Variants in CUX2 observed in about 807,000 individuals in gnomAD.
The protein encoded by CUX2 is cut like homeobox 2, also known as homeobox protein cut-like 2.
CUX2 carries 40 observed loss-of-function variants against 144.8 expected under a neutral mutation model. That is an observed-to-expected ratio of 0.28 (90% CI 0.21 to 0.36). The LOEUF is 0.36. Ranked by LOEUF, CUX2 falls within the 10% of genes least tolerant of loss-of-function variation. The pLI, the probability that CUX2 is intolerant of heterozygous loss-of-function variation, is 1.00. For missense variants in CUX2, 1,615 were observed against 1,994.0 expected (o/e 0.81, Z 3.62); for synonymous variants, 827 against 875.6 (o/e 0.94, Z 0.98).
chr12:111,297,733 G>A (rs933307), intron 8 of CUX2, among the ~76,000 whole-genome samples: 2 of 151,946 alleles, frequency 1.3e-5, no homozygotes, highest in Non-Finnish European at 2.9e-5. Context: ...AACATGACCC[G>A]GTCCTCAGTC....
At chr12:111,162,577 G>A (rs1486506705) in intron 1 of CUX2, among the ~76,000 whole-genome samples, 5 of 152,252 alleles carry the variant, frequency 3.3e-5, no homozygotes, top group Non-Finnish European at 7.3e-5. Context: ...TGATGGGACA[G>A]TGCTGAACAG....
chr12:111,091,375 TG>T (rs972130271), intron 1 of CUX2, among the ~76,000 whole-genome samples: 4 of 152,184 alleles, frequency 2.6e-5, no homozygotes, highest in African/African-American at 9.7e-5. Flanking sequence ...GAGACACAGC[TG>T]GGGTTGCTGC....
chr12:111,283,223 A>G (rs1885208103), intron 4 of CUX2, among the ~76,000 whole-genome samples: 2 of 151,956 alleles, frequency 1.3e-5, no homozygotes, highest in Admixed American at 6.6e-5. Flanking sequence ...TGTCTTAAAA[A>G]AAAAAAACCT....
At chr12:111,071,664 A>G (rs1022705316) in intron 1 of CUX2, among the ~76,000 whole-genome samples, 4 of 152,174 alleles carry the variant, frequency 2.6e-5, no homozygotes, top group Non-Finnish European at 5.9e-5. Context: ...TTGTATCTAA[A>G]AAGTCAACAC....
chr12:111,077,774 T>C lies in CUX2; in HGVS notation c.63+43534T>C, dbSNP rs1328154494. ...CTCCTCCTGGAAGAAATTGACCAGA[T>C]TATCTCCCACCTCAAATGGCAGCAT... On this transcript the variant is annotated intron_variant, in intron 1 of 21. Coordinates refer to ENST00000261726, the MANE Select transcript of CUX2 (RefSeq NM_015267.4). The surrounding 1 kb of genome is among the most constrained non-coding windows in gnomAD (Gnocchi z 4.1). 1.3e-5 allele frequency among the ~76,000 whole-genome samples: 2 copies of C among 152,204 alleles called. No individual in the cohort carries two copies. The highest frequency in any genetic ancestry group is 2.9e-5 in the Non-Finnish European group (2 of 68,046).
chr12:111,320,977 G>A lies in CUX2; in HGVS notation c.2766+202G>A, dbSNP rs947342230. Among the ~76,000 whole-genome samples the A allele has an allele frequency of 3.9e-5, 6 of 152,022 alleles. No individual in the cohort carries two copies. Among genetic ancestry groups the A allele is most frequent in the African/African-American group, 1.4e-4 (6 of 41,388 alleles). On this transcript the variant is annotated intron_variant, in intron 17 of 21. Coordinates refer to ENST00000261726, the MANE Select transcript of CUX2 (RefSeq NM_015267.4). The surrounding 1 kb of genome is among the most constrained non-coding windows in gnomAD (Gnocchi z 8.1). ...CCAGGAAATGCTTCCATCCTGGCCA[G>A]CAAACAGCCACTTAACTCCCCTCCT...
rs1885825032 is a variant in CUX2, at chr12:111,293,915, T to C, written c.560+346T>C. On this transcript the variant is annotated intron_variant, in intron 6 of 21. Transcript: ENST00000261726. This position sits in a 1 kb window ranked among gnomAD's most constrained non-coding sequence, Gnocchi z 4.5. ...ACATGTATTCCTAGGACTTAGCTTA[T>C]GCAGTTGTGGGAGCTGCCAGGTGCA... Among the ~76,000 whole-genome samples, 1 of 152,272 alleles carries C rather than the reference T, an allele frequency of 6.6e-6. No homozygotes were observed. Among genetic ancestry groups the C allele is most frequent in the South Asian group, 2.1e-4 (1 of 4,828 alleles).
At chr12:111,234,745 G>A (rs1371947870) in intron 3 of CUX2, among the ~76,000 whole-genome samples, 2 of 146,974 alleles carry the variant, frequency 1.4e-5, no homozygotes, top group East Asian at 4.1e-4. Context: ...CTGAGACAGA[G>A]TCTCCCTCTG....
chr12:111,317,892 C>T (rs1244042967), intron 16 of CUX2, among the ~76,000 whole-genome samples: 5 of 151,926 alleles, frequency 3.3e-5, no homozygotes, highest in African/African-American at 7.3e-5. Context: ...CCCAGCTACT[C>T]GGGAGGCTGA....
At chr12:111,101,151 G>A (rs2136068610) in intron 1 of CUX2, among the ~76,000 whole-genome samples, 1 of 152,286 alleles carries the variant, frequency 6.6e-6, no homozygotes, top group East Asian at 1.9e-4. Context: ...CTTTTTCAAG[G>A]TGCACTCACC....
intron 1 of CUX2, among the ~76,000 whole-genome samples, chr12:111,096,026 A>C (rs1872793731): frequency 6.6e-6 from 1 of 152,216 alleles, no homozygotes; most frequent in South Asian, 2.1e-4. Context: ...GCAAGGGCTC[A>C]GAGGCTGACA....
chr12:111,142,377 T>A (rs181806901), intron 1 of CUX2, among the ~76,000 whole-genome samples: 1 of 152,320 alleles, frequency 6.6e-6, no homozygotes, highest in Admixed American at 6.5e-5. Flanking sequence ...GTGTTCCATC[T>A]AATTACTATA....
At chr12:111,135,993 G>A (rs1037857161) in intron 1 of CUX2, among the ~76,000 whole-genome samples, 10 of 152,202 alleles carry the variant, frequency 6.6e-5, no homozygotes, top group Non-Finnish European at 1.3e-4. Flanking sequence ...CTGGTTGACT[G>A]AAGGAGGAGT....
chr12:111,301,355 G>A (rs986679375), intron 9 of CUX2, among the ~76,000 whole-genome samples: 4 of 152,230 alleles, frequency 2.6e-5, no homozygotes, highest in Admixed American at 2.0e-4. Flanking sequence ...GGCGAGGACC[G>A]CCCCAATTCT....
At chr12:111,049,129 C>G (rs896508785) in intron 1 of CUX2, among the ~76,000 whole-genome samples, 12 of 152,126 alleles carry the variant, frequency 7.9e-5, no homozygotes. Context: ...ATGAATCCAT[C>G]CATCTATCCA....
chr12:111,063,677 C>G (rs1870892019), intron 1 of CUX2, among the ~76,000 whole-genome samples: 1 of 152,216 alleles, frequency 6.6e-6, no homozygotes. Context: ...GTAAAATTCC[C>G]AGAGGAAGGG....
In CUX2 at chr12:111,303,208, G is replaced by A. The variant is rs373989848; in HGVS notation, c.754-1002G>A. The stretch of plus-strand genomic sequence containing the variant: ...TGCACTCCAGCCTGGGTGACAGAGC[G>A]AGACCCTGTCTCGAAAAAAAAAAAA... On this transcript the variant is annotated intron_variant, in intron 9 of 21. Coordinates refer to ENST00000261726, the MANE Select transcript of CUX2 (RefSeq NM_015267.4). Among the ~76,000 whole-genome samples the A allele has an allele frequency of 6.9e-4, 76 of 109,754 alleles. No homozygotes were observed. The South Asian group carries it at 0.027, about 38-fold the overall frequency. 72.0% of individuals were successfully genotyped at this position (109,754 alleles called of 152,430 possible). A position where few individuals can be genotyped will look rare whatever the true frequency, so the allele number is the denominator to read the frequency against.
chr12:111,338,718 GGATCACTTGGGAGGCTAAGGCTTGCA>G (rs1288100796), intron 20 of CUX2, among the ~76,000 whole-genome samples: 2 of 152,082 alleles, frequency 1.3e-5, no homozygotes, highest in Non-Finnish European at 2.9e-5. Flanking sequence ...TAAGACAGGA[GGATCACTTGGGAGGCTAAGGCTTGCA>G]GATCACTTGG....
chr12:111,188,139 C>A (rs1227076689), intron 1 of CUX2, among the ~76,000 whole-genome samples: 1 of 152,266 alleles, frequency 6.6e-6, no homozygotes, highest in Non-Finnish European at 1.5e-5. Flanking sequence ...CAGGCCACTT[C>A]TGGCCTTGTT....
Sources: gnomAD v4.1 joint callset for allele counts (sites outside exome capture counted in the v4.1 genomes callset) on GRCh38, gnomAD v4.1.1 for gene constraint, Gnocchi (gnomAD v3.1) non-coding constraint, MANE v1.5 for transcripts, NCBI Gene and HGNC (gene_info 2026-07-23, HGNC 2026-07-21) for gene names.